The following TFCP2L1 variants were observed in gnomAD, a reference collection of about 807,000 sequenced individuals.
TFCP2L1 encodes the protein transcription factor CP2 like 1, also known as transcription factor CP2-like protein 1.
Under a neutral mutation model 72.2 loss-of-function variants are expected in TFCP2L1, and 12 were observed. The ratio of observed to expected loss-of-function variants is 0.17; its 90% CI spans 0.11 to 0.27. The LOEUF is 0.27. Ranked by LOEUF, TFCP2L1 falls within the 10% of genes least tolerant of loss-of-function variation. The pLI, the probability that TFCP2L1 is intolerant of heterozygous loss-of-function variation, is 1.00. For synonymous variants in TFCP2L1, 260 were observed against 251.0 expected (o/e 1.04, Z -0.34); for missense variants, 488 against 624.6 (o/e 0.78, Z 2.33).
chr2:121,239,543 A>T lies in TFCP2L1; in HGVS notation c.860+15T>A. 6.2e-7 allele frequency: 1 copy of T among 1,613,722 alleles called. No homozygotes were observed. Among genetic ancestry groups the T allele is most frequent in the South Asian group, 1.1e-5 (1 of 91,068 alleles). ...TTCATTTCAGGGAACCCGAAGAAAG[A>T]GAGGTGGGACGTACCCTTCGCCGAG... On this transcript the variant is annotated intron_variant, in intron 8 of 14. Coordinates refer to ENST00000263707, the MANE Select transcript of TFCP2L1 (RefSeq NM_014553.3).
At chr2:121,242,317 G>C (rs1182361584) in intron 7 of TFCP2L1, 42 bp downstream of exon 7, 2 of 1,560,678 alleles carry the variant, frequency 1.3e-6, no homozygotes, top group Middle Eastern at 1.7e-4. Context: ...GCTCCTGGTG[G>C]AAGACCCTTG....
chr2:121,251,180 C>T (rs918166753), intron 2 of TFCP2L1, among the ~76,000 whole-genome samples: 1 of 151,632 alleles, frequency 6.6e-6, no homozygotes, highest in Admixed American at 6.6e-5. Flanking sequence ...CACTTGAACC[C>T]GGGAGGCAGA....
chr2:121,269,918 A>AAAAAAAAATAT, intron 2 of TFCP2L1, among the ~76,000 whole-genome samples: 7 of 115,158 alleles, frequency 6.1e-5, no homozygotes, highest in East Asian at 3.8e-4. Context: ...AAAAAAAAAA[A>AAAAAAAAATAT]ATATATATAT....
chr2:121,257,324 C>CG (rs1402297941), intron 2 of TFCP2L1, among the ~76,000 whole-genome samples: 4 of 151,906 alleles, frequency 2.6e-5, no homozygotes, highest in Non-Finnish European at 5.9e-5. Flanking sequence ...CTGTCCCTCC[C>CG]GGGGGAGGGG....
chr2:121,254,665 G>A (rs1686679260), intron 2 of TFCP2L1, among the ~76,000 whole-genome samples: 1 of 152,186 alleles, frequency 6.6e-6, no homozygotes, highest in African/African-American at 2.4e-5. Context: ...GGGCGTGGTG[G>A]CGCATGCTTG....
In TFCP2L1 at chr2:121,223,504, C is replaced by A. The variant is rs1685965995; in HGVS notation, c.*837G>T. ...TGGTGGTCAAGGTCATCTGATGACA[C>A]CTAGGAATGGAATACTCATTCCTAA... On this transcript the variant is annotated 3_prime_UTR_variant, in exon 15 of 15. Transcript: ENST00000263707. 6.6e-6 allele frequency: 1 copy of A among 152,140 alleles called. No individual in the cohort carries two copies. The highest frequency in any genetic ancestry group is 6.5e-5 in the Admixed American group (1 of 15,276). The allele number at this position is 152,140 out of a possible 1,614,324, so 9.4% of individuals were successfully genotyped here.
At chr2:121,268,237 T>G (rs182811652) in intron 2 of TFCP2L1, among the ~76,000 whole-genome samples, 1 of 152,388 alleles carries the variant, frequency 6.6e-6, no homozygotes, top group African/African-American at 2.4e-5. Context: ...AAGCGTTTGT[T>G]CTTTGTTGTT....
intron 11 of TFCP2L1, 69 bp from the exon 12 acceptor site, chr2:121,234,263 G>C: frequency 7.0e-7 from 1 of 1,423,438 alleles, no homozygotes; most frequent in Non-Finnish European, 9.9e-7. Context: ...AATATTCCAG[G>C]ATGGAAACAA....
intron 2 of TFCP2L1, among the ~76,000 whole-genome samples, chr2:121,275,980 T>C (rs1472890607): frequency 6.6e-6 from 1 of 152,210 alleles, no homozygotes; most frequent in African/African-American, 2.4e-5. Context: ...ATTTCTAAGC[T>C]ACAAAAATTA....
Position 121,223,429 on chromosome 2 carries a change from C to G in TFCP2L1, c.*912G>C, listed in dbSNP as rs1034746251. The G allele has an allele frequency of 1.3e-5, 2 of 152,220 alleles. No homozygotes were observed. The highest frequency in any genetic ancestry group is 1.3e-4 in the Admixed American group (2 of 15,280). The allele number at this position is 152,220 out of a possible 1,614,324, so 9.4% of individuals were successfully genotyped here. ...TGTGGCAAGTTTAGCAGCGGTTCAA[C>G]AAGGTCTTCTCTAACTTTCTATAAG... On this transcript the variant is annotated 3_prime_UTR_variant, in exon 15 of 15. Transcript: ENST00000263707.
intron 1 of TFCP2L1, among the ~76,000 whole-genome samples, chr2:121,281,530 A>C (rs1687261543): frequency 6.6e-6 from 1 of 152,288 alleles, no homozygotes; most frequent in East Asian, 1.9e-4. Flanking sequence ...AGGAGGTAAA[A>C]GGGCAAAGTT....
intron 2 of TFCP2L1, among the ~76,000 whole-genome samples, chr2:121,264,800 T>A (rs1172634911): frequency 2.6e-5 from 4 of 152,022 alleles, no homozygotes; most frequent in Non-Finnish European, 5.9e-5. Context: ...ACCCATACCC[T>A]CTCCATCATA....
At chr2:121,237,501 T>C in intron 10 of TFCP2L1, 122 bp downstream of exon 10, 12 of 1,150,576 alleles carry the variant, frequency 1.0e-5, no homozygotes, top group Non-Finnish European at 1.5e-5. Context: ...ACCCACACTA[T>C]CTCGGGTCTC....
Position 121,221,538 on chromosome 2 carries a change from A to T in TFCP2L1, c.*2803T>A, listed in dbSNP as rs1375827759. ...ATTTTTCTCAATAATCAGCAGTGGG[A>T]CAAGTGGAGATCCACAAGCAAAAGA... On this transcript the variant is annotated 3_prime_UTR_variant, in exon 15 of 15. Coordinates refer to ENST00000263707, the MANE Select transcript of TFCP2L1 (RefSeq NM_014553.3). The T allele has an allele frequency of 6.6e-6, 1 of 152,244 alleles. No homozygotes were observed. The highest frequency in any genetic ancestry group is 1.9e-4 in the East Asian group (1 of 5,198). 9.4% of individuals were successfully genotyped at this position (152,244 alleles called of 1,614,324 possible).
chr2:121,275,132 C>G (rs1291666639), intron 2 of TFCP2L1, among the ~76,000 whole-genome samples: 1 of 151,898 alleles, frequency 6.6e-6, no homozygotes, highest in Admixed American at 6.6e-5. Flanking sequence ...CACCTGTAAT[C>G]CCAGCACTTT....
chr2:121,258,647 C>T (rs375146794), intron 2 of TFCP2L1, among the ~76,000 whole-genome samples: 3 of 152,186 alleles, frequency 2.0e-5, no homozygotes, highest in African/African-American at 7.2e-5. Context: ...AGACCATCTA[C>T]AACCTCCTGG....
At position 121,221,205 on chromosome 2, in the gene TFCP2L1, A is replaced by G. The variant is rs1685922376; in HGVS notation, c.*3136T>C. The stretch of plus-strand genomic sequence containing the variant: ...CACTTCTAGGTGATTCAGTTTCCTC[A>G]TGACTCATAACAGGAAATCATTGGT... On this transcript the variant is annotated 3_prime_UTR_variant, in exon 15 of 15. Coordinates refer to ENST00000263707, the MANE Select transcript of TFCP2L1 (RefSeq NM_014553.3). 1 of 152,162 alleles carries G rather than the reference A, an allele frequency of 6.6e-6. No individual in the cohort carries two copies. The highest frequency in any genetic ancestry group is 1.5e-5 in the Non-Finnish European group (1 of 68,040). 9.4% of individuals were successfully genotyped at this position (152,162 alleles called of 1,614,324 possible).
chr2:121,278,671 G>C (rs1687195237), intron 2 of TFCP2L1, among the ~76,000 whole-genome samples: 1 of 147,418 alleles, frequency 6.8e-6, no homozygotes, highest in African/African-American at 2.5e-5. Context: ...GGGTGACAGA[G>C]CAAGACTGTC....
At chr2:121,240,720 G>C in intron 7 of TFCP2L1, 1 of 985,370 alleles carries the variant, frequency 1.0e-6, no homozygotes, top group Non-Finnish European at 1.2e-6. Flanking sequence ...CAGGAGGTGG[G>C]GAACACTCTG....
Sources: gnomAD v4.1 joint callset for allele counts (sites outside exome capture counted in the v4.1 genomes callset) on GRCh38, gnomAD v4.1.1 for gene constraint, MANE v1.5 for transcripts, NCBI Gene and HGNC (gene_info 2026-07-23, HGNC 2026-07-21) for gene names.